Variants in SEZ6L observed in about 807,000 individuals in gnomAD.
SEZ6L encodes seizure 6-like protein.
A neutral mutation model predicts 106.2 loss-of-function variants in SEZ6L; 37 were observed. The observed-to-expected ratio is 0.35, with a 90% CI of 0.27 to 0.46. SEZ6L has a LOEUF of 0.46. SEZ6L is among the 20% of genes least tolerant of loss of function. SEZ6L has a pLI of 1.00. For missense variants in SEZ6L, 1,172 were observed against 1,332.8 expected, an observed-to-expected ratio of 0.88 and a Z score of 1.88; for synonymous variants, 541 against 570.4, an observed-to-expected ratio of 0.95 and a Z score of 0.73.
chr22:26,188,048 A>G (rs906197725), intron 1 of SEZ6L, among the ~76,000 whole-genome samples: 2 of 152,158 alleles, frequency 1.3e-5, no homozygotes, highest in African/African-American at 4.8e-5. Context: ...CTTGGACTCA[A>G]AATGTATCAT....
At chr22:26,195,953 G>A (rs1004440000) in intron 1 of SEZ6L, among the ~76,000 whole-genome samples, 6 of 152,088 alleles carry the variant, frequency 3.9e-5, no homozygotes, top group Admixed American at 2.0e-4. Context: ...ATCAGGCCAA[G>A]AGCAAAGGAA....
intron 1 of SEZ6L, among the ~76,000 whole-genome samples, chr22:26,226,520 C>A (rs1470338427): frequency 1.3e-5 from 2 of 152,232 alleles, no homozygotes; most frequent in African/African-American, 4.8e-5. Flanking sequence ...TCTTTTCCTT[C>A]AGTGCCCTTA....
chr22:26,341,780 A>G (rs575084830), intron 10 of SEZ6L, among the ~76,000 whole-genome samples: 13 of 152,260 alleles, frequency 8.5e-5, no homozygotes, highest in African/African-American at 2.9e-4. Flanking sequence ...CCTTGCCCCC[A>G]TATCCAATCC....
chr22:26,202,205 C>T (rs190317602), intron 1 of SEZ6L, among the ~76,000 whole-genome samples: 41 of 152,270 alleles, frequency 2.7e-4, no homozygotes, highest in Admixed American at 6.5e-4. Context: ...TGAGCCACTG[C>T]GCCCGGCCAA....
intron 16 of SEZ6L, among the ~76,000 whole-genome samples, chr22:26,379,908 G>C (rs1237643287): frequency 1.3e-5 from 2 of 152,204 alleles, no homozygotes; most frequent in African/African-American, 2.4e-5. Flanking sequence ...CAGCGTTTTA[G>C]GCTTATTTCA....
At chr22:26,298,877 G>C in intron 4 of SEZ6L, 107 bp from the exon 5 acceptor site, 1 of 1,019,866 alleles carries the variant, frequency 9.8e-7, no homozygotes, top group Non-Finnish European at 1.4e-6. Context: ...GAGTCCCCAG[G>C]GGCCTCATCT....
At chr22:26,183,540 A>G (rs765164677) in intron 1 of SEZ6L, among the ~76,000 whole-genome samples, 5 of 152,202 alleles carry the variant, frequency 3.3e-5, no homozygotes, top group Non-Finnish European at 7.3e-5. Flanking sequence ...ACAAGAAAAA[A>G]AAATCTAGTT....
At chr22:26,187,639 C>T (rs1431500081) in intron 1 of SEZ6L, among the ~76,000 whole-genome samples, 1 of 152,102 alleles carries the variant, frequency 6.6e-6, no homozygotes, top group Non-Finnish European at 1.5e-5. Context: ...GTCTAGAATA[C>T]AGAAAAAGCA....
chr22:26,180,030 T>C (rs1485520267), intron 1 of SEZ6L, among the ~76,000 whole-genome samples: 1 of 152,208 alleles, frequency 6.6e-6, no homozygotes, highest in African/African-American at 2.4e-5. Flanking sequence ...TTGGACAGCA[T>C]GGAGAGAGCA....
chr22:26,264,261 C>A (rs1352120982), intron 1 of SEZ6L, among the ~76,000 whole-genome samples: 1 of 152,206 alleles, frequency 6.6e-6, no homozygotes, highest in East Asian at 1.9e-4. Flanking sequence ...CTGAGGTTGA[C>A]AACAGAGCAC....
At chr22:26,307,419 T>C (rs1156820405) in intron 6 of SEZ6L, among the ~76,000 whole-genome samples, 1 of 151,918 alleles carries the variant, frequency 6.6e-6, no homozygotes, top group Non-Finnish European at 1.5e-5. Context: ...AGAATTCTAA[T>C]GTTTTGGCTT....
chr22:26,328,693 G>A (rs1388000915), intron 9 of SEZ6L, among the ~76,000 whole-genome samples: 1 of 152,188 alleles, frequency 6.6e-6, no homozygotes, highest in African/African-American at 2.4e-5. Flanking sequence ...GGCAGGCCCA[G>A]GGGGACGGCA....
chr22:26,283,685 AC>A (rs1414971645), intron 1 of SEZ6L, among the ~76,000 whole-genome samples: 1 of 152,246 alleles, frequency 6.6e-6, no homozygotes, highest in Non-Finnish European at 1.5e-5. Flanking sequence ...TATATCTGTA[AC>A]AAATAAGTGC....
intron 9 of SEZ6L, among the ~76,000 whole-genome samples, chr22:26,315,307 C>T (rs1243571530): frequency 6.6e-6 from 1 of 151,994 alleles, no homozygotes; most frequent in African/African-American, 2.4e-5. Flanking sequence ...TAGAGGCATC[C>T]TGTCTCTTCA....
intron 5 of SEZ6L, among the ~76,000 whole-genome samples, chr22:26,301,089 G>A (rs2081439114): frequency 6.6e-6 from 1 of 152,216 alleles, no homozygotes; most frequent in African/African-American, 2.4e-5. Context: ...TCACAGCAAT[G>A]CCATAGGATG....
intron 9 of SEZ6L, among the ~76,000 whole-genome samples, chr22:26,334,558 TG>T (rs2082587965): frequency 6.6e-6 from 1 of 152,190 alleles, no homozygotes; most frequent in Non-Finnish European, 1.5e-5. Context: ...ATTTACCTTC[TG>T]GAAAGATTCA....
At chr22:26,291,079 G>A (rs1022264310) in intron 1 of SEZ6L, among the ~76,000 whole-genome samples, 1 of 152,170 alleles carries the variant, frequency 6.6e-6, no homozygotes, top group African/African-American at 2.4e-5. Flanking sequence ...TCCCATTACT[G>A]GGTCCCATTA....
intron 1 of SEZ6L, among the ~76,000 whole-genome samples, chr22:26,171,911 A>C (rs927905993): frequency 5.3e-5 from 8 of 152,182 alleles, no homozygotes; most frequent in Middle Eastern, 3.4e-3. Context: ...TCAGATGGAG[A>C]ACCATTCACC....
At chr22:26,189,275 T>G (rs1940013393) in intron 1 of SEZ6L, among the ~76,000 whole-genome samples, 1 of 152,244 alleles carries the variant, frequency 6.6e-6, no homozygotes, top group African/African-American at 2.4e-5. Context: ...GGCGAAGTCC[T>G]TGACTTGTCC....
Sources: gnomAD v4.1 joint callset for allele counts (sites outside exome capture counted in the v4.1 genomes callset) on GRCh38, gnomAD v4.1.1 for gene constraint, MANE v1.5 for transcripts, NCBI Gene and HGNC (gene_info 2026-07-23, HGNC 2026-07-21) for gene names.